Variants in SERINC5 observed in about 807,000 individuals in gnomAD.
SERINC5 encodes the protein serine incorporator 5, also known as chromosome 5 open reading frame 12.
In SERINC5, 41 loss-of-function variants were observed where a neutral mutation model predicts 63.1. The ratio of observed to expected loss-of-function variants is 0.65; its 90% CI spans 0.51 to 0.84. SERINC5 has a LOEUF of 0.84. SERINC5 is among the 40% of genes least tolerant of loss of function. The probability of loss-of-function intolerance (pLI) is 0.00; values close to 1 mark genes in which losing one functional copy is unlikely to be tolerated. For missense variants in SERINC5, 523 were observed against 573.0 expected (o/e 0.91, Z 0.89); for synonymous variants, 222 against 215.2 (o/e 1.03, Z -0.28).
At chr5:80,187,688 A>G (rs573596110) in intron 2 of SERINC5, among the ~76,000 whole-genome samples, 2 of 152,346 alleles carry the variant, frequency 1.3e-5, no homozygotes, top group East Asian at 3.9e-4. Flanking sequence ...TAATAGAAAA[A>G]TCTACATTGT....
intron 1 of SERINC5, among the ~76,000 whole-genome samples, chr5:80,234,925 T>C (rs1445623654): frequency 6.6e-6 from 1 of 152,216 alleles, no homozygotes; most frequent in Admixed American, 6.6e-5. Flanking sequence ...TCTTTTTTTT[T>C]ACTATGCTGA....
chr5:80,212,665 T>TGGGGG (rs752075084), intron 1 of SERINC5, among the ~76,000 whole-genome samples: 312 of 49,782 alleles, frequency 6.3e-3, no homozygotes, highest in African/African-American at 0.016. Context: ...AGTGGTGGGG[T>TGGGGG]GGGGGGGGGG....
chr5:80,136,749 A>G (rs1745193097), downstream of SERINC5, among the ~76,000 whole-genome samples: 1 of 152,206 alleles, frequency 6.6e-6, no homozygotes, highest in Non-Finnish European at 1.5e-5. Context: ...AAACTGCTCA[A>G]TAGCAAGAAA....
downstream of SERINC5, among the ~76,000 whole-genome samples, chr5:80,136,956 C>T (rs1269804607): frequency 6.6e-6 from 1 of 150,904 alleles, no homozygotes; most frequent in South Asian, 2.1e-4. Context: ...GCCAACATGG[C>T]GAAACCATCT....
rs1425573560 is a variant in SERINC5, at chr5:80,192,811, C to G, written c.195+10075G>C. ...ACTTCATTCCATTTTATAAACCTCC[C>G]AGGCACCTCAGCTCTGTCTCTAGAA... On this transcript the variant is annotated intron_variant, in intron 2 of 11. Transcript: ENST00000507668. 2.0e-5 allele frequency among the ~76,000 whole-genome samples: 3 copies of G among 152,206 alleles called. No individual in the cohort carries two copies. The East Asian group carries it at 5.8e-4, about 29-fold the overall frequency.
chr5:80,206,744 G>A (rs1036426205), intron 1 of SERINC5, among the ~76,000 whole-genome samples: 1 of 149,348 alleles, frequency 6.7e-6, no homozygotes, highest in Non-Finnish European at 1.5e-5. Flanking sequence ...CCTCCCCACT[G>A]CTTTAGCTGG....
chr5:80,135,415 A>G (rs116147133), downstream of SERINC5, among the ~76,000 whole-genome samples: 1,072 of 152,314 alleles, frequency 7.0e-3, 19 homozygotes, highest in African/African-American at 0.024. Flanking sequence ...CTGTGTGTGG[A>G]TAAGGCTCCA....
At chr5:80,169,806 CA>C (rs1472074907) in intron 5 of SERINC5, among the ~76,000 whole-genome samples, 1 of 152,148 alleles carries the variant, frequency 6.6e-6, no homozygotes. Flanking sequence ...CTTTCTGCGA[CA>C]AATGTATTCA....
At chr5:80,154,794 A>G (rs1746418324) in intron 8 of SERINC5, among the ~76,000 whole-genome samples, 1 of 152,212 alleles carries the variant, frequency 6.6e-6, no homozygotes, top group African/African-American at 2.4e-5. Context: ...GGATATTTTC[A>G]AAGATGGTTC....
chr5:80,154,975 A>G (rs1746428261), intron 8 of SERINC5, among the ~76,000 whole-genome samples: 1 of 152,176 alleles, frequency 6.6e-6, no homozygotes, highest in African/African-American at 2.4e-5. Flanking sequence ...GGGAGAGACT[A>G]TCCACCAGTG....
At position 80,138,897 on chromosome 5, in the gene SERINC5, T is replaced by A; in HGVS notation, c.*4766A>T. ...AGAAGAGAAAAAAACAACACAGTTT[T>A]AATTTTAAATTTTATTAAAGTACAG... On this transcript the variant is annotated 3_prime_UTR_variant, in exon 12 of 12. Coordinates refer to ENST00000507668, the MANE Select transcript of SERINC5 (RefSeq NM_001174072.3). 1.0e-6 allele frequency: 1 copy of A among 972,108 alleles called. No homozygotes were observed. The highest frequency in any genetic ancestry group is 1.2e-6 in the Non-Finnish European group (1 of 817,888). 60.2% of individuals were successfully genotyped at this position (972,108 alleles called of 1,614,324 possible). A position where few individuals can be genotyped will look rare whatever the true frequency, so the allele number is the denominator to read the frequency against.
At chr5:80,216,114 G>C (rs1750649719) in intron 1 of SERINC5, among the ~76,000 whole-genome samples, 1 of 152,144 alleles carries the variant, frequency 6.6e-6, no homozygotes, top group South Asian at 2.1e-4. Flanking sequence ...CCTTCTGACA[G>C]CTCAACAGAA....
chr5:80,206,787 C>G (rs1162930825), intron 1 of SERINC5, among the ~76,000 whole-genome samples: 1 of 149,958 alleles, frequency 6.7e-6, no homozygotes, highest in Non-Finnish European at 1.5e-5. Context: ...TGAACCCTTT[C>G]CTAACTGCCT....
chr5:80,215,640 G>A (rs1379996543), intron 1 of SERINC5, among the ~76,000 whole-genome samples: 1 of 152,218 alleles, frequency 6.6e-6, no homozygotes, highest in Admixed American at 6.5e-5. Flanking sequence ...GCCCATAACT[G>A]TGGCAGCAGT....
intron 2 of SERINC5, among the ~76,000 whole-genome samples, chr5:80,194,519 C>A (rs1749385680): frequency 6.6e-6 from 1 of 152,146 alleles, no homozygotes; most frequent in Non-Finnish European, 1.5e-5. Flanking sequence ...AAAACAAGTT[C>A]TATTTTACAT....
At chr5:80,235,252 A>C (rs1310898291) in intron 1 of SERINC5, among the ~76,000 whole-genome samples, 1 of 152,218 alleles carries the variant, frequency 6.6e-6, no homozygotes. Context: ...ACCACGTTGT[A>C]GTATGTGACA....
intron 1 of SERINC5, among the ~76,000 whole-genome samples, chr5:80,219,435 T>A (rs537415999): frequency 6.6e-6 from 1 of 152,366 alleles, no homozygotes; most frequent in South Asian, 2.1e-4. Flanking sequence ...GAAATTCATC[T>A]TCTTCTTCCA....
Position 80,143,394 on chromosome 5 carries a change from G to A in SERINC5, c.*269C>T, listed in dbSNP as rs561104143. 1 of 1,162,926 alleles carries A rather than the reference G, an allele frequency of 8.6e-7. No homozygotes were observed. Among genetic ancestry groups the A allele is most frequent in the South Asian group, 3.8e-5 (1 of 26,098 alleles). 72.0% of individuals were successfully genotyped at this position (1,162,926 alleles called of 1,614,324 possible). A position where few individuals can be genotyped will look rare whatever the true frequency, so the allele number is the denominator to read the frequency against. Reference sequence around the variant, plus strand: ...TTTTGGCAAAAACATGCAGAAGGAAGTCAACATAACTGGTATCCAGTTCCT... The same window carrying A: ...TTTTGGCAAAAACATGCAGAAGGAAATCAACATAACTGGTATCCAGTTCCT... On this transcript the variant is annotated 3_prime_UTR_variant, in exon 12 of 12. Transcript: ENST00000507668.
intron 9 of SERINC5, among the ~76,000 whole-genome samples, chr5:80,150,086 T>A (rs1746070093): frequency 6.6e-6 from 1 of 152,236 alleles, no homozygotes; most frequent in Non-Finnish European, 1.5e-5. Context: ...TGAGTTAATG[T>A]ATCTACAACG....
Sources: allele counts gnomAD v4.1 joint callset (sites outside exome capture counted in the v4.1 genomes callset), GRCh38; gene constraint gnomAD v4.1.1; transcripts MANE v1.5; gene names NCBI Gene and HGNC (gene_info 2026-07-23, HGNC 2026-07-21).